Variants in GRM5 observed in about 807,000 individuals in gnomAD.
GRM5 encodes glutamate metabotropic receptor 5.
In GRM5, 19 loss-of-function variants were observed where a neutral mutation model predicts 83.1. The ratio of observed to expected loss-of-function variants is 0.23; its 90% CI spans 0.16 to 0.34. The LOEUF is 0.34. Among genes scored for constraint, GRM5 ranks in the 10% least tolerant of loss-of-function variants. The pLI is 1.00. For synonymous variants in GRM5, 675 were observed against 633.6 expected, an observed-to-expected ratio of 1.07 and a Z score of -0.98; for missense variants, 1,160 against 1,588.3, an observed-to-expected ratio of 0.73 and a Z score of 4.58.
chr11:89,026,214 T>C (rs1276095321), intron 2 of GRM5, among the ~76,000 whole-genome samples: 5 of 152,270 alleles, frequency 3.3e-5, no homozygotes, highest in East Asian at 1.9e-4. Context: ...CTGGGTACTA[T>C]GCACATTACA....
At chr11:88,969,037 A>G (rs1667137459) in intron 2 of GRM5, among the ~76,000 whole-genome samples, 1 of 152,108 alleles carries the variant, frequency 6.6e-6, no homozygotes, top group South Asian at 2.1e-4. Context: ...TATTTAGCAT[A>G]GACAGGAGGA....
At chr11:88,991,002 A>G (rs7478915) in intron 2 of GRM5, among the ~76,000 whole-genome samples, 2,064 of 152,190 alleles carry the variant, frequency 0.014, 66 homozygotes, top group African/African-American at 0.047. Flanking sequence ...AGTGTTGGAA[A>G]TTCTGGCCAG....
chr11:88,703,373 C>T lies in GRM5; in HGVS notation c.912-49970G>A, dbSNP rs367917933. Reference sequence around the variant, plus strand: ...AGAAACTTGTCACATTGGGATAGTACTGGACACCTGAGGGATGGTATGTAG... The same window carrying T: ...AGAAACTTGTCACATTGGGATAGTATTGGACACCTGAGGGATGGTATGTAG... On this transcript the variant is annotated intron_variant, in intron 3 of 9. Transcript: ENST00000305447. Among the ~76,000 whole-genome samples, 121 of 87,136 alleles carry T rather than the reference C, an allele frequency of 1.4e-3. 1 individual carries two copies. The highest frequency in any genetic ancestry group is 3.1e-3 in the African/African-American group (109 of 35,658). The allele number at this position is 87,136 out of a possible 152,430, so 57.2% of individuals were successfully genotyped here. A position where few individuals can be genotyped will look rare whatever the true frequency, so the allele number is the denominator to read the frequency against.
chr11:88,739,624 G>A (rs779023041), intron 3 of GRM5, among the ~76,000 whole-genome samples: 7 of 152,006 alleles, frequency 4.6e-5, no homozygotes, highest in Non-Finnish European at 8.8e-5. Context: ...TGTTGTTCTC[G>A]TGATCACGAG....
rs181611788 is a variant in GRM5 at position 88,955,278 on chromosome 11, C to T, written c.661+91934G>A. Among the ~76,000 whole-genome samples, 848 of 152,268 alleles carry T rather than the reference C, an allele frequency of 5.6e-3. 9 individuals are homozygous for T. Among genetic ancestry groups the T allele is most frequent in the African/African-American group, 0.02 (816 of 41,558 alleles). ...ACTACATAAAATATTTCAAACAGTT[C>T]AGCTTATGTTTTAGAGTCATACATT... is the stretch of plus-strand genomic sequence containing the variant. On this transcript the variant is annotated intron_variant, in intron 2 of 9. Coordinates refer to ENST00000305447, the MANE Select transcript of GRM5 (RefSeq NM_001143831.3).
intron 2 of GRM5, among the ~76,000 whole-genome samples, chr11:89,036,510 G>T (rs1256061736): frequency 6.6e-6 from 1 of 151,960 alleles, no homozygotes; most frequent in Non-Finnish European, 1.5e-5. Flanking sequence ...CTTACTGAAT[G>T]TTTTCTGTGT....
chr11:88,985,066 A>G (rs1490172282), intron 2 of GRM5, among the ~76,000 whole-genome samples: 1 of 152,006 alleles, frequency 6.6e-6, no homozygotes, highest in African/African-American at 2.4e-5. Flanking sequence ...ATAAATACAC[A>G]AGAGCCATAA....
chr11:88,771,303 T>C (rs974713026), intron 3 of GRM5, among the ~76,000 whole-genome samples: 1 of 151,996 alleles, frequency 6.6e-6, no homozygotes, highest in Non-Finnish European at 1.5e-5. Context: ...CAATAGGCCA[T>C]ATGCAAGCTG....
chr11:88,779,045 T>C (rs376916651), intron 3 of GRM5, among the ~76,000 whole-genome samples: 44 of 152,344 alleles, frequency 2.9e-4, no homozygotes, highest in African/African-American at 9.4e-4. Flanking sequence ...TTATTGAGTT[T>C]AATTCTCACA....
chr11:88,673,689 A>C (rs1940248583), intron 3 of GRM5, among the ~76,000 whole-genome samples: 1 of 151,836 alleles, frequency 6.6e-6, no homozygotes, highest in African/African-American at 2.4e-5. Context: ...AAATGGTTTA[A>C]CTGTACTGGC....
intron 2 of GRM5, among the ~76,000 whole-genome samples, chr11:88,882,889 G>A (rs140938643): frequency 0.017 from 2,589 of 152,222 alleles, 44 homozygotes; most frequent in East Asian, 0.068. Context: ...TGCTTCTCAT[G>A]ACCGTGAATA....
chr11:88,788,327 G>A (rs1025540038), intron 3 of GRM5, among the ~76,000 whole-genome samples: 1 of 152,098 alleles, frequency 6.6e-6, no homozygotes, highest in Admixed American at 6.6e-5. Flanking sequence ...ATTGTAAGAG[G>A]AAATATGAAA....
chr11:88,826,248 AAGAGT>A (rs1301322213), intron 3 of GRM5, among the ~76,000 whole-genome samples: 3 of 152,112 alleles, frequency 2.0e-5, no homozygotes, highest in African/African-American at 2.4e-5. Flanking sequence ...TAATACAAGA[AAGAGT>A]ATTTTACTTA....
intron 4 of GRM5, 65 bp downstream of exon 4, chr11:88,653,103 A>C: frequency 1.0e-6 from 1 of 977,890 alleles, no homozygotes. Context: ...TATCCCCATG[A>C]CATGGTTTAC....
intron 2 of GRM5, among the ~76,000 whole-genome samples, chr11:89,012,815 T>C (rs947041789): frequency 6.6e-6 from 1 of 152,170 alleles, no homozygotes; most frequent in Non-Finnish European, 1.5e-5. Flanking sequence ...TAAAGAACAA[T>C]GTGAAGGAAT....
intron 3 of GRM5, among the ~76,000 whole-genome samples, chr11:88,758,706 A>G (rs1942448173): frequency 6.6e-6 from 1 of 152,220 alleles, no homozygotes; most frequent in Non-Finnish European, 1.5e-5. Flanking sequence ...CAACCTAGCC[A>G]GAGAGGCAAA....
chr11:89,024,129 T>A (rs2135113912), intron 2 of GRM5, among the ~76,000 whole-genome samples: 1 of 152,034 alleles, frequency 6.6e-6, no homozygotes, highest in South Asian at 2.1e-4. Context: ...GGCAGGACAA[T>A]CATTTGAACC....
At chr11:88,687,579 A>ATATTATAT (rs1250226972) in intron 3 of GRM5, among the ~76,000 whole-genome samples, 215 of 46,466 alleles carry the variant, frequency 4.6e-3, no homozygotes, top group Non-Finnish European at 5.9e-3. Context: ...ATATATATAT[A>ATATTATAT]ATATATATAT....
chr11:88,760,892 G>A (rs1325814394), intron 3 of GRM5, among the ~76,000 whole-genome samples: 1 of 152,094 alleles, frequency 6.6e-6, no homozygotes, highest in Non-Finnish European at 1.5e-5. Context: ...GGGCTGCAAG[G>A]TTGGTTCAAG....
Sources: allele counts gnomAD v4.1 joint callset (sites outside exome capture counted in the v4.1 genomes callset), GRCh38; gene constraint gnomAD v4.1.1; transcripts MANE v1.5; gene names NCBI Gene and HGNC (gene_info 2026-07-23, HGNC 2026-07-21).